Variants in RBP7 observed in about 807,000 individuals in gnomAD.
The protein encoded by RBP7 is retinoid-binding protein 7.
A neutral mutation model predicts 16.7 loss-of-function variants in RBP7; 13 were observed. That is an observed-to-expected ratio of 0.78 (90% CI 0.51 to 1.24). The LOEUF (loss-of-function observed/expected upper bound fraction) is 1.24. Ranked by LOEUF, RBP7 falls within the 50% of genes most tolerant of loss-of-function variation. The probability of loss-of-function intolerance (pLI) is 0.00; values close to 1 mark genes in which losing one functional copy is unlikely to be tolerated. For synonymous variants in RBP7, 54 were observed against 56.2 expected (o/e 0.96, Z 0.17); for missense variants, 145 against 159.5 (o/e 0.91, Z 0.49).
chr1:10,014,478 T>G (rs1373104930), intron 3 of RBP7, among the ~76,000 whole-genome samples: 2 of 151,636 alleles, frequency 1.3e-5, no homozygotes, highest in Admixed American at 1.3e-4. Flanking sequence ...CTCCGCCTCT[T>G]GGGTTCAAGC....
chr1:10,003,364 G>T (rs1439638397), intron 1 of RBP7, among the ~76,000 whole-genome samples: 4 of 152,194 alleles, frequency 2.6e-5, no homozygotes, highest in Non-Finnish European at 5.9e-5. Context: ...GGCAGAGGTT[G>T]CAGTGAGCCA....
rs377469853 is a variant in RBP7, at chr1:9,997,310, G to C, written c.52G>C (p.Glu18Gln). Residue 18 changes from glutamate to glutamine, a missense_variant, in exon 1 of 4, where the codon GAG becomes CAG. By Grantham distance (29) the Glu-to-Gln change is conservative. Coordinates refer to ENST00000294435, the MANE Select transcript of RBP7 (RefSeq NM_052960.3). This position sits in a 1 kb window ranked among gnomAD's most constrained non-coding sequence, Gnocchi z 5.9. ...GACCCTGCTCAGCAGCGACAACTTC[G>C]AGGGCTACATGCTGGCCCTAGGTAA... The part of the protein sequence containing the change: ...TWTLLSSDNF[E>Q]GYMLALGIDF... 1.2e-6 allele frequency: 2 copies of C among 1,611,410 alleles called. No individual in the cohort carries two copies. The highest frequency in any genetic ancestry group is 1.7e-6 in the Non-Finnish European group (2 of 1,179,196).
At chr1:10,005,350 A>T (rs1387371398) in intron 1 of RBP7, among the ~76,000 whole-genome samples, 1 of 151,224 alleles carries the variant, frequency 6.6e-6, no homozygotes, top group Non-Finnish European at 1.5e-5. Context: ...GGTGTGAGCC[A>T]CCATGCCCAG....
chr1:10,003,788 C>T (rs766137611), intron 1 of RBP7, among the ~76,000 whole-genome samples: 7 of 152,160 alleles, frequency 4.6e-5, no homozygotes, highest in African/African-American at 7.2e-5. Flanking sequence ...TGGATTCTTG[C>T]TCTGTCACCT....
In RBP7 at chr1:10,003,599, T is replaced by G. The variant is rs139917349; in HGVS notation, c.74-3971T>G. On this transcript the variant is annotated intron_variant, in intron 1 of 3. Coordinates refer to ENST00000294435, the MANE Select transcript of RBP7 (RefSeq NM_052960.3). ...CAGAGCTGTGACACTGCTTCTTCAATAAAGCTGTTTTCTTCTCCCTCTGGC... is the reference window on the plus strand; with the variant it reads ...CAGAGCTGTGACACTGCTTCTTCAAGAAAGCTGTTTTCTTCTCCCTCTGGC... Among the ~76,000 whole-genome samples, 928 of 152,298 alleles carry G rather than the reference T, an allele frequency of 6.1e-3. 5 individuals carry two copies. The highest frequency in any genetic ancestry group is 9.9e-3 in the Non-Finnish European group (674 of 68,026).
chr1:10,003,558 T>G (rs1642338191), intron 1 of RBP7, among the ~76,000 whole-genome samples: 1 of 152,198 alleles, frequency 6.6e-6, no homozygotes, highest in Non-Finnish European at 1.5e-5. Flanking sequence ...GTAGCTCTTT[T>G]CTGCGGGAGC....
chr1:10,008,702 G>A (rs1642523649), intron 3 of RBP7, among the ~76,000 whole-genome samples: 1 of 151,804 alleles, frequency 6.6e-6, no homozygotes, highest in African/African-American at 2.4e-5. Flanking sequence ...GCCTCCCAAA[G>A]TGCTGGGATT....
intron 1 of RBP7, among the ~76,000 whole-genome samples, chr1:10,001,063 G>A (rs571380987): frequency 6.6e-6 from 1 of 152,210 alleles, no homozygotes; most frequent in African/African-American, 2.4e-5. Context: ...GTAGAAGTGA[G>A]GTAAATGCCT....
chr1:10,006,637 G>C (rs1175726522), intron 1 of RBP7, among the ~76,000 whole-genome samples: 1 of 151,424 alleles, frequency 6.6e-6, no homozygotes, highest in East Asian at 1.9e-4. Flanking sequence ...AGGTTGCAGT[G>C]AGCTGAAATC....
intron 3 of RBP7, among the ~76,000 whole-genome samples, chr1:10,011,458 TG>T (rs1255863833): frequency 6.6e-6 from 1 of 152,204 alleles, no homozygotes; most frequent in East Asian, 1.9e-4. Flanking sequence ...GCCTTTCACA[TG>T]ACTCAGGTCC....
At chr1:10,004,275 T>C (rs968710297) in intron 1 of RBP7, 3 of 151,486 alleles carry the variant, frequency 2.0e-5, no homozygotes, top group Non-Finnish European at 2.9e-5. Flanking sequence ...TTTCTCCATA[T>C]TGGTCAGGCT....
rs1189214648 is a variant in RBP7 at position 10,006,094 on chromosome 1, G to A, written c.74-1476G>A. Among the ~76,000 whole-genome samples, 42 of 152,170 alleles carry A rather than the reference G, an allele frequency of 2.8e-4. 2 individuals carry two copies. Among genetic ancestry groups the A allele is most frequent in the Admixed American group, 2.8e-3 (42 of 15,250 alleles). ...CACCTGGCCATTATTTAAAATAGTG[G>A]TGTTTATTTCTAGCTACATAATATG... is the stretch of plus-strand genomic sequence containing the variant. On this transcript the variant is annotated intron_variant, in intron 1 of 3. Coordinates refer to ENST00000294435, the MANE Select transcript of RBP7 (RefSeq NM_052960.3).
chr1:10,015,676 AC>A, intron 3 of RBP7, 105 bp from the exon 4 acceptor site: 1 of 994,178 alleles, frequency 1.0e-6, no homozygotes, highest in Admixed American at 2.0e-5. Flanking sequence ...AAAGAAAAAA[AC>A]ATGTTCCAGA....
Position 10,015,860 on chromosome 1 carries a change from T to C in RBP7, c.*28T>C. On this transcript the variant is annotated 3_prime_UTR_variant, in exon 4 of 4. Transcript: ENST00000294435. ...CACATCCAGCAGCAGAGCCCACTTG[T>C]GGCTGCAGCTTTATGCCAAATTATA... The C allele has an allele frequency of 6.2e-7, 1 of 1,609,092 alleles. No homozygotes were observed. Among genetic ancestry groups the C allele is most frequent in the Non-Finnish European group, 8.5e-7 (1 of 1,175,546 alleles).
rs535429397 is a variant in RBP7 at position 9,997,925 on chromosome 1, A to G, written c.73+594A>G. On this transcript the variant is annotated intron_variant, in intron 1 of 3. Coordinates refer to ENST00000294435, the MANE Select transcript of RBP7 (RefSeq NM_052960.3). This position sits in a 1 kb window ranked among gnomAD's most constrained non-coding sequence, Gnocchi z 5.9. ...GGTCCGGGCACCCGCGGGAGTGCAGAGCCTGGTTCGGCCCGGGGCGTGCCC... is the reference window on the plus strand; with the variant it reads ...GGTCCGGGCACCCGCGGGAGTGCAGGGCCTGGTTCGGCCCGGGGCGTGCCC... Among the ~76,000 whole-genome samples the G allele has an allele frequency of 6.6e-6, 1 of 152,110 alleles. No homozygotes were observed. The highest frequency in any genetic ancestry group is 1.5e-5 in the Non-Finnish European group (1 of 67,982).
chr1:10,014,403 TG>T (rs1642716167), intron 3 of RBP7, among the ~76,000 whole-genome samples: 1 of 151,350 alleles, frequency 6.6e-6, no homozygotes, highest in Admixed American at 6.6e-5. Flanking sequence ...TTTTTTTTTT[TG>T]AGATGGAGTC....
At chr1:10,015,536 C>T (rs1159996399) in intron 3 of RBP7, among the ~76,000 whole-genome samples, 1 of 151,334 alleles carries the variant, frequency 6.6e-6, no homozygotes, top group Non-Finnish European at 1.5e-5. Context: ...ATGGCACGTG[C>T]CTGCAGTGTC....
At position 10,007,108 on chromosome 1, in the gene RBP7, G is replaced by A. The variant is rs550594565; in HGVS notation, c.74-462G>A. 182 of 327,256 alleles carry A rather than the reference G, an allele frequency of 5.6e-4. 1 individual carries two copies. Among genetic ancestry groups the A allele is most frequent in the African/African-American group, 3.6e-3 (159 of 43,972 alleles). 20.3% of individuals were successfully genotyped at this position (327,256 alleles called of 1,614,324 possible). A position where few individuals can be genotyped will look rare whatever the true frequency, so the allele number is the denominator to read the frequency against. Reference sequence around the variant, plus strand: ...ATTACAGGTATGTGCCACCATGCCCGGCTAATTTTGTATTTTTAGTAGAGA... The same window carrying A: ...ATTACAGGTATGTGCCACCATGCCCAGCTAATTTTGTATTTTTAGTAGAGA... On this transcript the variant is annotated intron_variant, in intron 1 of 3. Coordinates refer to ENST00000294435, the MANE Select transcript of RBP7 (RefSeq NM_052960.3).
intron 1 of RBP7, chr1:10,004,199 AG>A (rs1253312604): frequency 1.3e-5 from 2 of 148,824 alleles, no homozygotes; most frequent in Non-Finnish European, 2.9e-5. Context: ...CAGCCTCCTG[AG>A]TAGCTGGGAT....
Sources: allele counts gnomAD v4.1 joint callset (sites outside exome capture counted in the v4.1 genomes callset), GRCh38; gene constraint gnomAD v4.1.1; non-coding constraint Gnocchi (gnomAD v3.1); transcripts MANE v1.5; gene names NCBI Gene and HGNC (gene_info 2026-07-23, HGNC 2026-07-21).